Variants in C12orf42 observed in about 807,000 individuals in gnomAD.
C12orf42 encodes the protein chromosome 12 open reading frame 42, also known as uncharacterized protein C12orf42.
A neutral mutation model predicts 21.6 loss-of-function variants in C12orf42; 25 were observed. The ratio of observed to expected loss-of-function variants is 1.16; its 90% CI spans 0.84 to 1.62. The LOEUF (loss-of-function observed/expected upper bound fraction) is 1.62, where lower values mean the gene tolerates loss of function less well. Among genes scored for constraint, C12orf42 ranks in the 40% most tolerant of loss-of-function variants. The pLI is 0.00. For synonymous variants in C12orf42, 174 were observed against 175.0 expected, an observed-to-expected ratio of 0.99 and a Z score of 0.05; for missense variants, 483 against 459.3, an observed-to-expected ratio of 1.05 and a Z score of -0.47.
chr12:103,106,502 C>G, the C12orf42 span, among the ~76,000 whole-genome samples: 2 of 151,666 alleles, frequency 1.3e-5, no homozygotes, highest in Non-Finnish European at 2.9e-5. Flanking sequence ...TAATTTTAGA[C>G]AACCATAACA....
chr12:103,322,123 GCGCACA>G (rs1388243669), intron 4 of C12orf42, among the ~76,000 whole-genome samples: 21,697 of 118,864 alleles, frequency 0.18, 1,629 homozygotes, highest in South Asian at 0.31. Context: ...GCGCGCGCGC[GCGCACA>G]CACACACACA....
the C12orf42 span, among the ~76,000 whole-genome samples, chr12:103,131,273 A>C: frequency 2.6e-5 from 4 of 152,228 alleles, no homozygotes; most frequent in African/African-American, 9.6e-5. Context: ...TTATATAGGA[A>C]GAGAAGAATT....
At chr12:103,311,859 G>T (rs1185969985) in intron 4 of C12orf42, among the ~76,000 whole-genome samples, 1 of 152,160 alleles carries the variant, frequency 6.6e-6, no homozygotes, top group Admixed American at 6.5e-5. Flanking sequence ...AAATCCTTCA[G>T]TGATGAAAAT....
chr12:103,361,898 A>G (rs962959899), intron 4 of C12orf42, among the ~76,000 whole-genome samples: 7 of 151,950 alleles, frequency 4.6e-5, no homozygotes, highest in Non-Finnish European at 8.8e-5. Context: ...CCCTTCCCCA[A>G]CCTGATGGTC....
chr12:103,280,865 A>G (rs545713606), intron 4 of C12orf42, among the ~76,000 whole-genome samples: 4 of 152,156 alleles, frequency 2.6e-5, no homozygotes, highest in Non-Finnish European at 4.4e-5. Context: ...TGACTTGCAG[A>G]TCACCCAGCC....
chr12:103,250,808 C>T (rs1368144128), intron 10 of C12orf42, among the ~76,000 whole-genome samples: 6 of 151,982 alleles, frequency 3.9e-5, no homozygotes, highest in African/African-American at 1.4e-4. Context: ...AGCTTTTTCC[C>T]TCCCACCTGT....
the C12orf42 span, among the ~76,000 whole-genome samples, chr12:103,137,956 G>C: frequency 6.6e-6 from 1 of 152,010 alleles, no homozygotes; most frequent in Non-Finnish European, 1.5e-5. Flanking sequence ...ATGTTTGATA[G>C]CAGAGTATAA....
At chr12:103,454,408 A>C (rs1467583708) in intron 2 of C12orf42, among the ~76,000 whole-genome samples, 1 of 152,110 alleles carries the variant, frequency 6.6e-6, no homozygotes, top group Non-Finnish European at 1.5e-5. Flanking sequence ...TCTTTCTTAT[A>C]TTCTACTGAA....
chr12:103,314,596 GAA>G (rs1446747651), intron 4 of C12orf42, among the ~76,000 whole-genome samples: 1 of 152,148 alleles, frequency 6.6e-6, no homozygotes, highest in Non-Finnish European at 1.5e-5. Context: ...TCCCCAAGGT[GAA>G]AGTCTGAAAA....
chr12:103,228,900 G>T, the C12orf42 span, among the ~76,000 whole-genome samples: 2 of 149,016 alleles, frequency 1.3e-5, no homozygotes, highest in Non-Finnish European at 3.0e-5. Flanking sequence ...TCTCACTTGG[G>T]AATCTTGCTC....
chr12:103,478,436 A>G lies in C12orf42; in HGVS notation c.-10T>C, dbSNP rs1419630299. 2.0e-6 allele frequency: 3 copies of G among 1,523,296 alleles called. No individual in the cohort carries two copies. The highest frequency in any genetic ancestry group is 2.7e-6 in the Non-Finnish European group (3 of 1,110,826). 94.4% of individuals were successfully genotyped at this position (1,523,296 alleles called of 1,614,324 possible). ...ATATCACTGTAGACATTAATTTGAC[A>G]AGTTCAACTCCCTATAAACAAAGAA... On this transcript the variant is annotated 5_prime_UTR_variant, in exon 2 of 6. Transcript: ENST00000548883.
the C12orf42 span, among the ~76,000 whole-genome samples, chr12:103,216,366 C>G: frequency 4.0e-5 from 6 of 150,060 alleles, no homozygotes; most frequent in East Asian, 1.2e-3. Flanking sequence ...GAGAACAATA[C>G]TTTTTTTTCT....
chr12:103,294,473 A>AGAAAGAAAGAAG (rs1566025507), intron 4 of C12orf42, among the ~76,000 whole-genome samples: 1 of 91,054 alleles, frequency 1.1e-5, no homozygotes, highest in Non-Finnish European at 2.1e-5. Flanking sequence ...AAAGAAAGAA[A>AGAAAGAAAGAAG]TAAGCAAGCA....
the C12orf42 span, among the ~76,000 whole-genome samples, chr12:103,196,419 G>A: frequency 6.6e-6 from 1 of 151,858 alleles, no homozygotes; most frequent in Non-Finnish European, 1.5e-5. Context: ...TGTTGTTGTT[G>A]GGCAGTATGT....
the C12orf42 span, among the ~76,000 whole-genome samples, chr12:103,134,115 GC>G: frequency 6.6e-6 from 1 of 152,072 alleles, no homozygotes; most frequent in African/African-American, 2.4e-5. Flanking sequence ...AAACATTCTT[GC>G]CCATGAAGAC....
At chr12:103,339,119 T>A (rs2041960326) in intron 4 of C12orf42, among the ~76,000 whole-genome samples, 1 of 152,176 alleles carries the variant, frequency 6.6e-6, no homozygotes, top group South Asian at 2.1e-4. Context: ...TAAAAACAAT[T>A]CAAGACATAA....
At chr12:103,352,972 G>A (rs1212736336) in intron 4 of C12orf42, among the ~76,000 whole-genome samples, 2 of 152,096 alleles carry the variant, frequency 1.3e-5, no homozygotes, top group East Asian at 3.9e-4. Flanking sequence ...TCAAAGGTAA[G>A]CAGGCTAAAC....
intron 4 of C12orf42, chr12:103,367,984 G>A (rs1045072860): frequency 3.3e-5 from 34 of 1,016,092 alleles, no homozygotes; most frequent in East Asian, 2.4e-4. Flanking sequence ...AAAATAATGC[G>A]TTGTTCAAAT....
At chr12:103,312,539 C>A (rs1480464608) in intron 4 of C12orf42, among the ~76,000 whole-genome samples, 1 of 152,228 alleles carries the variant, frequency 6.6e-6, no homozygotes, top group Non-Finnish European at 1.5e-5. Flanking sequence ...AGAGTTTAAA[C>A]TATCTGCCTC....
Sources: gnomAD v4.1 joint callset for allele counts (sites outside exome capture counted in the v4.1 genomes callset) on GRCh38, gnomAD v4.1.1 for gene constraint, MANE v1.5 for transcripts, NCBI Gene and HGNC (gene_info 2026-07-23, HGNC 2026-07-21) for gene names.